The following YIF1A variants were observed in gnomAD, a reference collection of about 807,000 sequenced individuals.
The protein encoded by YIF1A is Yip1 interacting factor homolog A, membrane trafficking protein, also known as protein YIF1A.
Under a neutral mutation model 32.6 loss-of-function variants are expected in YIF1A, and 28 were observed. That is an observed-to-expected ratio of 0.86 (90% CI 0.64 to 1.18). The LOEUF is 1.18. Among genes scored for constraint, YIF1A ranks in the 50% most tolerant of loss-of-function variants. YIF1A has a pLI of 0.00. For synonymous variants in YIF1A, 175 were observed against 162.2 expected (o/e 1.08, Z -0.60); for missense variants, 373 against 390.8 (o/e 0.95, Z 0.38).
chr11:66,285,602 G>C, intron 5 of YIF1A, 66 bp from the exon 6 acceptor site: 2 of 1,610,928 alleles, frequency 1.2e-6, no homozygotes, highest in Non-Finnish European at 1.7e-6. Flanking sequence ...GAGAGACTGG[G>C]GCAACAGAGG....
At chr11:66,287,569 A>AC in intron 4 of YIF1A, 29 bp downstream of exon 4, 1 of 1,253,306 alleles carries the variant, frequency 8.0e-7, no homozygotes, top group Non-Finnish European at 1.1e-6. Flanking sequence ...CCACCCCACC[A>AC]CGTTCCCCAG....
At chr11:66,284,833 C>G (rs747234022) in intron 7 of YIF1A, 40 bp downstream of exon 7, 1 of 1,612,184 alleles carries the variant, frequency 6.2e-7, no homozygotes, top group Non-Finnish European at 8.5e-7. Flanking sequence ...GGTTTGCCCT[C>G]AAGTGAAGGC....
chr11:66,288,553 T>C (rs1857400293), intron 1 of YIF1A, among the ~76,000 whole-genome samples: 1 of 152,214 alleles, frequency 6.6e-6, no homozygotes, highest in African/African-American at 2.4e-5. Flanking sequence ...TCTGAAGGCC[T>C]CTCACTGGAA....
intron 2 of YIF1A, 70 bp downstream of exon 2, chr11:66,288,011 G>C: frequency 1.9e-6 from 3 of 1,606,704 alleles, no homozygotes; most frequent in Non-Finnish European, 1.7e-6. Flanking sequence ...GTGAGGAATC[G>C]GGTGGAATCC....
In YIF1A at chr11:66,285,553, G is replaced by A; in HGVS notation, c.486-17C>T. On this transcript the variant is annotated splice_polypyrimidine_tract_variant and intron_variant, in intron 5 of 7. Transcript: ENST00000376901. ...GGGGAGAACCTGCGCCAAAGCAGGG[G>A]TGGCTCAGAGCCAGGCATCCTGAGG... 1 of 1,612,808 alleles carries A rather than the reference G, an allele frequency of 6.2e-7. No individual in the cohort carries two copies. Among genetic ancestry groups the A allele is most frequent in the Non-Finnish European group, 8.5e-7 (1 of 1,179,970 alleles).
rs144207539 is a variant in YIF1A, at chr11:66,287,658, T to C, written c.367A>G (p.Ser123Gly). The C allele has an allele frequency of 6.2e-6, 10 of 1,612,068 alleles. No homozygotes were observed. Among genetic ancestry groups the C allele is most frequent in the Non-Finnish European group, 8.5e-6 (10 of 1,179,114 alleles). Residue 123 changes from serine to glycine, a missense_variant, in exon 4 of 8, where the codon AGT becomes GGT. By Grantham distance (56) the Ser-to-Gly change is moderately conservative (BLOSUM62 0). Transcript: ENST00000376901. ...CGGGGGGGCAGAGGAGCATCACGAC[T>C]GTACTGCACTTCCCAGTTCTGGCAG... ...YTHQNWEVQY[S>G]RDAPLPPRQD...
rs199873105 is a variant in YIF1A at position 66,288,087 on chromosome 11, G to A, written c.237C>T (p.His79=). 131 of 1,613,394 alleles carry A rather than the reference G, an allele frequency of 8.1e-5. No homozygotes were observed. Among genetic ancestry groups the A allele is most frequent in the Admixed American group, 4.3e-4 (26 of 60,036 alleles). ...CCCCGGGGGCAGGCCACACCTCCTT[G>A]TGCACCATGTCCTTCCCATGGGATG... ...SIASHGKDMV[H]KELHRFVSVS... is the part of the protein sequence containing the mutation. Residue 79 remains histidine, a synonymous_variant, in exon 2 of 8, where the codon CAC becomes CAT. Transcript: ENST00000376901.
rs551477011 is a variant in YIF1A at position 66,287,766 on chromosome 11, G to A, written c.348+46C>T. 20 of 1,610,158 alleles carry A rather than the reference G, an allele frequency of 1.2e-5. No individual in the cohort carries two copies. The East Asian group carries it at 3.8e-4, about 31-fold the overall frequency. ...GGGTTGAGGTCTGGGGGCCAGACTC[G>A]GGCAGAATGAGGAAGGCCCACCAGC... On this transcript the variant is annotated intron_variant, in intron 3 of 7. Coordinates refer to ENST00000376901, the MANE Select transcript of YIF1A (RefSeq NM_020470.3).
chr11:66,284,724 CCGGGGGACGGGGCCCCCCATGCTGT>C lies in YIF1A; in HGVS notation c.770_794del (p.Asp257GlyfsTer8). 2.5e-6 allele frequency: 4 copies of C among 1,612,428 alleles called. No homozygotes were observed. The highest frequency in any genetic ancestry group is 3.4e-6 in the Non-Finnish European group (4 of 1,179,790). On this transcript the variant is annotated frameshift_variant, in exon 8 of 8. Coordinates refer to ENST00000376901, the MANE Select transcript of YIF1A (RefSeq NM_020470.3). LOFTEE classifies it high-confidence loss of function. ...GAGTCAGGTAGAGCTGGAGACGCTG[CCGGGGGACGGGGCCCCCCATGCTGT>C]CGGGGCCCAGGGCTGCTGTCCGCAA...
intron 1 of YIF1A, among the ~76,000 whole-genome samples, 193 bp from the exon 2 acceptor site, chr11:66,288,485 A>G (rs554164558): frequency 1.3e-5 from 2 of 152,354 alleles, no homozygotes; most frequent in South Asian, 4.1e-4. Context: ...ATCCGTTGCT[A>G]AATGTAGGCA....
chr11:66,288,729 G>C (rs990637617), intron 1 of YIF1A, among the ~76,000 whole-genome samples: 6 of 152,356 alleles, frequency 3.9e-5, no homozygotes, highest in Admixed American at 3.9e-4. Context: ...GGAGTTTCTG[G>C]AGGAGGAGGC....
chr11:66,287,995 G>A (rs1857388054), intron 2 of YIF1A, 79 bp from the exon 3 acceptor site: 5 of 1,606,200 alleles, frequency 3.1e-6, no homozygotes, highest in African/African-American at 2.7e-5. Flanking sequence ...CATCCCTGAG[G>A]GCACTGTGAG....
chr11:66,285,380 C>T lies in YIF1A; in HGVS notation c.641+1G>A, dbSNP rs777794755. The T allele has an allele frequency of 6.2e-7, 1 of 1,611,228 alleles. No homozygotes were observed. Among genetic ancestry groups the T allele is most frequent in the South Asian group, 1.1e-5 (1 of 90,988 alleles). On this transcript the variant is annotated splice_donor_variant, in intron 6 of 7. Coordinates refer to ENST00000376901, the MANE Select transcript of YIF1A (RefSeq NM_020470.3). LOFTEE classifies it high-confidence loss of function. ...CCTCCCCCTGGCCCACAAGTGCTCA[C>T]CCCACGTATTTGTAGCCACTGTAGG...
In YIF1A at chr11:66,288,249, G is replaced by A; in HGVS notation, c.75C>T (p.Leu25=). 2 of 1,614,134 alleles carry A rather than the reference G, an allele frequency of 1.2e-6. No homozygotes were observed. Among genetic ancestry groups the A allele is most frequent in the Non-Finnish European group, 8.5e-7 (1 of 1,180,034 alleles). Residue 25 remains leucine, a synonymous_variant, in exon 2 of 8, where the codon CTC becomes CTT. Coordinates refer to ENST00000376901, the MANE Select transcript of YIF1A (RefSeq NM_020470.3). Reference sequence around the variant, plus strand: ...AATAACCACCGCTTGTGTCATCGAAGAGGGGAGGGGGATCCGGGGCTGCCC... The same window carrying A: ...AATAACCACCGCTTGTGTCATCGAAAAGGGGAGGGGGATCCGGGGCTGCCC... ...RARAAPDPPP[L]FDDTSGGYSS...
At chr11:66,285,003 G>A in intron 6 of YIF1A, 37 bp from the exon 7 acceptor site, 1 of 1,608,246 alleles carries the variant, frequency 6.2e-7, no homozygotes, top group Non-Finnish European at 8.5e-7. Flanking sequence ...GTGACCCCCA[G>A]GGGTCTAGGC....
In YIF1A at chr11:66,285,241, TGCTGGAGACA is replaced by T. The variant is rs952756278; in HGVS notation, c.641+130_641+139del. Reference sequence around the variant, plus strand: ...CATGGCACGCAGATCCTCAGGAGACTGCTGGAGACAGCTGCTCCCTCTTAACAGAGCAGTG... The same window carrying T: ...CATGGCACGCAGATCCTCAGGAGACTGCTGCTCCCTCTTAACAGAGCAGTG... On this transcript the variant is annotated intron_variant, in intron 6 of 7. Coordinates refer to ENST00000376901, the MANE Select transcript of YIF1A (RefSeq NM_020470.3). 5.4e-6 allele frequency: 7 copies of T among 1,306,274 alleles called. No homozygotes were observed. The African/African-American group carries it at 8.9e-5, about 17-fold the overall frequency. 80.9% of individuals were successfully genotyped at this position (1,306,274 alleles called of 1,614,324 possible).
chr11:66,285,589 G>A, intron 5 of YIF1A, 53 bp from the exon 6 acceptor site: 1 of 1,611,688 alleles, frequency 6.2e-7, no homozygotes, highest in Non-Finnish European at 8.5e-7. Context: ...CAGGGGTGAG[G>A]AAGAGAGACT....
At chr11:66,287,550 CCCCCGA>C in intron 4 of YIF1A, 42 bp downstream of exon 4, 1 of 1,554,558 alleles carries the variant, frequency 6.4e-7, no homozygotes, top group Non-Finnish European at 8.7e-7. Context: ...GCACAAGTCC[CCCCCGA>C]CCCCACCCCA....
rs1038224825 is a variant in YIF1A, at chr11:66,288,811, T to C, written c.31+144A>G. ...CCGAGAGGGCGAAGTCCGGGACGTG[T>C]TGGAGTGTTACGAGGGGCAGGAACC... is the stretch of plus-strand genomic sequence containing the variant. On this transcript the variant is annotated intron_variant, in intron 1 of 7. Coordinates refer to ENST00000376901, the MANE Select transcript of YIF1A (RefSeq NM_020470.3). The C allele has an allele frequency of 3.1e-5, 31 of 985,510 alleles. No homozygotes were observed. In the African/African-American group the frequency reaches 4.3e-4, roughly 14 times the overall value. 61.0% of individuals were successfully genotyped at this position (985,510 alleles called of 1,614,324 possible). A position where few individuals can be genotyped will look rare whatever the true frequency, so the allele number is the denominator to read the frequency against.
Sources: gnomAD v4.1 joint callset for allele counts (sites outside exome capture counted in the v4.1 genomes callset) on GRCh38, gnomAD v4.1.1 for gene constraint, MANE v1.5 for transcripts, NCBI Gene and HGNC (gene_info 2026-07-23, HGNC 2026-07-21) for gene names.